Variants in NR3C2 observed in about 807,000 individuals in gnomAD.
NR3C2 encodes nuclear receptor subfamily 3 group C member 2.
A neutral mutation model predicts 86.4 loss-of-function variants in NR3C2; 15 were observed. The observed-to-expected ratio is 0.17, with a 90% CI of 0.12 to 0.27. The LOEUF is 0.27. Ranked by LOEUF, NR3C2 falls within the 10% of genes least tolerant of loss-of-function variation. The pLI, the probability that NR3C2 is intolerant of heterozygous loss-of-function variation, is 1.00. For synonymous variants in NR3C2, 458 were observed against 450.5 expected, an observed-to-expected ratio of 1.02 and a Z score of -0.21; for missense variants, 960 against 1,195.6, an observed-to-expected ratio of 0.80 and a Z score of 2.91.
chr4:148,445,050 C>T, upstream of NR3C2: 1 of 966,436 alleles, frequency 1.0e-6, no homozygotes, highest in Non-Finnish European at 1.2e-6. Context: ...GGCACCGCGT[C>T]CGGCCACCCG....
rs1425773792 is a variant in NR3C2, at chr4:148,322,549, C to A, written c.1758-62432G>T. Among the ~76,000 whole-genome samples the A allele has an allele frequency of 1.2e-4, 10 of 83,762 alleles. 1 individual carries two copies. The South Asian group carries it at 5.5e-3, about 46-fold the overall frequency. The allele number at this position is 83,762 out of a possible 152,430, so 55.0% of individuals were successfully genotyped here. A position where few individuals can be genotyped will look rare whatever the true frequency, so the allele number is the denominator to read the frequency against. On this transcript the variant is annotated intron_variant, in intron 2 of 8. Transcript: ENST00000358102. ...CGTAGATTTGGTCTTTTCACATAGTCCCATATTTCTTGGAGGCTTTGCTCA... is the reference window on the plus strand; with the variant it reads ...CGTAGATTTGGTCTTTTCACATAGTACCATATTTCTTGGAGGCTTTGCTCA...
intron 2 of NR3C2, among the ~76,000 whole-genome samples, chr4:148,368,011 G>A (rs575077807): frequency 6.4e-4 from 97 of 151,834 alleles, no homozygotes; most frequent in African/African-American, 2.1e-3. Context: ...CACAAAACTC[G>A]TCCCCATATA....
At chr4:148,153,475 C>T (rs935969162) in intron 5 of NR3C2, among the ~76,000 whole-genome samples, 11 of 152,170 alleles carry the variant, frequency 7.2e-5, no homozygotes, top group Non-Finnish European at 1.3e-4. Flanking sequence ...CTGCACCAGG[C>T]CTTCTTTTGT....
intron 6 of NR3C2, among the ~76,000 whole-genome samples, chr4:148,143,220 A>G (rs1480307437): frequency 6.6e-6 from 1 of 151,518 alleles, no homozygotes; most frequent in Non-Finnish European, 1.5e-5. Context: ...TCCAGTTAAG[A>G]AGGAGTTTGG....
In NR3C2 at chr4:148,079,821, C is replaced by G. The variant is rs1257628329; in HGVS notation, c.*1523G>C. 1 of 152,556 alleles carries G rather than the reference C, an allele frequency of 6.6e-6. No homozygotes were observed. Among genetic ancestry groups the G allele is most frequent in the Non-Finnish European group, 1.5e-5 (1 of 68,042 alleles). The allele number at this position is 152,556 out of a possible 1,614,324, so 9.5% of individuals were successfully genotyped here. Reference sequence around the variant, plus strand: ...CCCCTCTATCTCCCGGTCTCCATGCCATTCAGACTGAACCTTGCCAAGATG... The same window carrying G: ...CCCCTCTATCTCCCGGTCTCCATGCGATTCAGACTGAACCTTGCCAAGATG... On this transcript the variant is annotated 3_prime_UTR_variant, in exon 9 of 9. Transcript: ENST00000358102.
At chr4:148,192,834 C>T (rs1188751384) in intron 4 of NR3C2, among the ~76,000 whole-genome samples, 1 of 152,126 alleles carries the variant, frequency 6.6e-6, no homozygotes, top group African/African-American at 2.4e-5. Context: ...CACTGAGCCA[C>T]CCCAACAGCC....
chr4:148,329,603 A>C (rs1341430528), intron 2 of NR3C2, among the ~76,000 whole-genome samples: 3 of 152,250 alleles, frequency 2.0e-5, no homozygotes, highest in African/African-American at 7.2e-5. Context: ...AAAAGGAAAA[A>C]GGACAACTGC....
At chr4:148,409,494 ATCTT>A (rs1419610283) in intron 2 of NR3C2, among the ~76,000 whole-genome samples, 1 of 152,110 alleles carries the variant, frequency 6.6e-6, no homozygotes, top group Non-Finnish European at 1.5e-5. Flanking sequence ...TCATAATGTT[ATCTT>A]TGTCAAAACT....
chr4:148,164,327 C>A (rs982019289), intron 4 of NR3C2, among the ~76,000 whole-genome samples: 2 of 152,142 alleles, frequency 1.3e-5, no homozygotes, highest in African/African-American at 4.8e-5. Flanking sequence ...TAAGGAAAGA[C>A]CCTACTACTT....
At chr4:148,100,345 T>C (rs1731480591) in intron 8 of NR3C2, among the ~76,000 whole-genome samples, 1 of 152,220 alleles carries the variant, frequency 6.6e-6, no homozygotes, top group East Asian at 1.9e-4. Flanking sequence ...GGGGCCAATG[T>C]ACAGAATATA....
chr4:148,272,291 A>G (rs1473090918), intron 2 of NR3C2, among the ~76,000 whole-genome samples: 1 of 152,216 alleles, frequency 6.6e-6, no homozygotes, highest in African/African-American at 2.4e-5. Context: ...AGCCTGTTTA[A>G]AATAGCTTTT....
intron 4 of NR3C2, among the ~76,000 whole-genome samples, chr4:148,184,933 C>T (rs377466368): frequency 1.3e-5 from 2 of 152,204 alleles, no homozygotes; most frequent in African/African-American, 2.4e-5. Flanking sequence ...AGCCACTTAA[C>T]TTCTCTGGGC....
chr4:148,216,087 T>C (rs916927642), intron 3 of NR3C2, among the ~76,000 whole-genome samples: 2 of 152,148 alleles, frequency 1.3e-5, no homozygotes, highest in Non-Finnish European at 2.9e-5. Context: ...TACTCAACTA[T>C]GTCATTATAA....
At chr4:148,327,165 G>C (rs2149963368) in intron 2 of NR3C2, among the ~76,000 whole-genome samples, 1 of 152,136 alleles carries the variant, frequency 6.6e-6, no homozygotes, top group Non-Finnish European at 1.5e-5. Context: ...AATTGGTATA[G>C]CTCAACAGGA....
At chr4:148,328,986 T>C (rs761636604) in intron 2 of NR3C2, among the ~76,000 whole-genome samples, 10 of 152,342 alleles carry the variant, frequency 6.6e-5, no homozygotes, top group Non-Finnish European at 1.3e-4. Flanking sequence ...ATTACCATTG[T>C]AGACATCTAA....
At chr4:148,302,075 T>C (rs1742366279) in intron 2 of NR3C2, among the ~76,000 whole-genome samples, 1 of 152,220 alleles carries the variant, frequency 6.6e-6, no homozygotes, top group Non-Finnish European at 1.5e-5. Flanking sequence ...CCATAGACAT[T>C]TTGTTATTCA....
chr4:148,215,157 G>A (rs1051256366), intron 3 of NR3C2, among the ~76,000 whole-genome samples: 4 of 152,170 alleles, frequency 2.6e-5, no homozygotes, highest in African/African-American at 9.7e-5. Flanking sequence ...AAGTCTGTTC[G>A]GGGTATGAAA....
At chr4:148,110,275 A>G (rs1731993010) in intron 8 of NR3C2, among the ~76,000 whole-genome samples, 1 of 152,172 alleles carries the variant, frequency 6.6e-6, no homozygotes, top group South Asian at 2.1e-4. Flanking sequence ...TTATTCCAGC[A>G]CATATGTGTA....
intron 6 of NR3C2, among the ~76,000 whole-genome samples, chr4:148,140,176 T>A (rs6833880): frequency 0.51 from 77,539 of 151,990 alleles, 20,133 homozygotes; most frequent in East Asian, 0.72. Context: ...CTGCATAAAA[T>A]TAATTTTTCT....
Sources: gnomAD v4.1 joint callset for allele counts (sites outside exome capture counted in the v4.1 genomes callset) on GRCh38, gnomAD v4.1.1 for gene constraint, MANE v1.5 for transcripts, NCBI Gene and HGNC (gene_info 2026-07-23, HGNC 2026-07-21) for gene names.